Variants in FBP2 observed in about 807,000 individuals in gnomAD.
FBP2 encodes fructose-bisphosphatase 2, also known as fructose-1,6-bisphosphatase isozyme 2.
In FBP2, 27 loss-of-function variants were observed where a neutral mutation model predicts 31.6. The ratio of observed to expected loss-of-function variants is 0.85; its 90% confidence interval spans 0.63 to 1.18. The LOEUF (loss-of-function observed/expected upper bound fraction) is 1.18. Ranked by LOEUF, FBP2 falls within the 50% of genes most tolerant of loss-of-function variation. The pLI is 0.00. For synonymous variants in FBP2, 168 were observed against 179.8 expected (o/e 0.93, Z 0.53); for missense variants, 421 against 436.1 (o/e 0.97, Z 0.31).
chr9:94,571,644 C>A, intron 3 of FBP2, 42 bp from the exon 4 acceptor site: 1 of 1,551,222 alleles, frequency 6.4e-7, no homozygotes. Flanking sequence ...ATTGTTGTCT[C>A]TGGAGAGAAC....
chr9:94,558,978 T>C lies in FBP2; in HGVS notation c.980A>G (p.Glu327Gly), dbSNP rs1484066048. The C allele has an allele frequency of 2.5e-6, 4 of 1,614,090 alleles. No homozygotes were observed. The highest frequency in any genetic ancestry group is 3.4e-6 in the Non-Finnish European group (4 of 1,180,022). ...ATTTTTCTGCACACAGGTGAGATAT[T>C]CCTGCACATCCTCTGGTGACCCCAG... ...LILGSPEDVQ[E>G]YLTCVQKNQA... Residue 327 changes from glutamate (E) to glycine (G), a missense_variant, in exon 7 of 7, where the codon GAA becomes GGA. Transcript: ENST00000375337.
intron 5 of FBP2, among the ~76,000 whole-genome samples, chr9:94,563,966 CAG>C (rs555372279): frequency 5.2e-4 from 79 of 152,308 alleles, no homozygotes; most frequent in African/African-American, 1.8e-3. Flanking sequence ...GCACCTAACA[CAG>C]GGGCACCCAG....
chr9:94,558,812 C>T lies in FBP2; in HGVS notation c.*126G>A, dbSNP rs1827047556. On this transcript the variant is annotated 3_prime_UTR_variant, in exon 7 of 7. Transcript: ENST00000375337. ...CTGTCGTAAGCAGTTTGTTGTTGCT[C>T]TTCTGTATGTGATTAAGTGGATTTA... The T allele has an allele frequency of 1.1e-6, 1 of 870,202 alleles. No homozygotes were observed. Among genetic ancestry groups the T allele is most frequent in the Non-Finnish European group, 1.8e-6 (1 of 544,178 alleles). The allele number at this position is 870,202 out of a possible 1,614,324, so 53.9% of individuals were successfully genotyped here.
chr9:94,564,057 T>G (rs2131443248), intron 5 of FBP2, among the ~76,000 whole-genome samples: 1 of 152,230 alleles, frequency 6.6e-6, no homozygotes, highest in African/African-American at 2.4e-5. Context: ...CTTCAACACC[T>G]CACTGACAGT....
intron 6 of FBP2, among the ~76,000 whole-genome samples, chr9:94,560,466 G>A (rs1025210977): frequency 2.3e-4 from 35 of 152,056 alleles, no homozygotes; most frequent in Admixed American, 6.6e-4. Context: ...CGTTCTGGCC[G>A]AGGCCCTGCT....
intron 1 of FBP2, among the ~76,000 whole-genome samples, chr9:94,589,124 C>T (rs1436912526): frequency 2.0e-5 from 3 of 149,346 alleles, no homozygotes; most frequent in African/African-American, 7.8e-5. Context: ...TGAGCTTCCA[C>T]AATGGCAGGA....
chr9:94,560,655 A>C (rs967064335), intron 6 of FBP2, among the ~76,000 whole-genome samples: 18 of 150,684 alleles, frequency 1.2e-4, no homozygotes, highest in African/African-American at 4.4e-4. Context: ...TACTTTGAGA[A>C]AGAGTCATAT....
rs138584530 is a variant in FBP2, at chr9:94,565,552, A to G, written c.705+1718T>C. Among the ~76,000 whole-genome samples, 192 of 152,316 alleles carry G rather than the reference A, an allele frequency of 1.3e-3. 1 individual carries two copies. The highest frequency in any genetic ancestry group is 4.5e-3 in the African/African-American group (187 of 41,558). On this transcript the variant is annotated intron_variant, in intron 5 of 6. Transcript: ENST00000375337. ...AATCAAAACATTTAAATACAGAAAG[A>G]ATCTTTCAGCAGACACACAGTGAAC...
chr9:94,561,444 G>A (rs937729190), intron 6 of FBP2, among the ~76,000 whole-genome samples: 10 of 136,138 alleles, frequency 7.3e-5, no homozygotes, highest in Non-Finnish European at 1.2e-4. Flanking sequence ...CTCACTGCAA[G>A]CTCCGCCTCC....
intron 1 of FBP2, among the ~76,000 whole-genome samples, chr9:94,591,505 A>T (rs960829425): frequency 6.6e-6 from 1 of 152,072 alleles, no homozygotes; most frequent in South Asian, 2.1e-4. Context: ...ACGCAGCCCC[A>T]GTTCCCGCTC....
At chr9:94,578,797 T>TA (rs1827343011) in intron 3 of FBP2, among the ~76,000 whole-genome samples, 1 of 151,980 alleles carries the variant, frequency 6.6e-6, no homozygotes, top group South Asian at 2.1e-4. Flanking sequence ...CTCAGGCCTG[T>TA]AATCCCAGCA....
At chr9:94,591,344 A>G (rs1181772935) in intron 1 of FBP2, among the ~76,000 whole-genome samples, 1 of 152,234 alleles carries the variant, frequency 6.6e-6, no homozygotes, top group Non-Finnish European at 1.5e-5. Flanking sequence ...GTGGGCCAGC[A>G]CTGCTGGGGG....
intron 3 of FBP2, among the ~76,000 whole-genome samples, chr9:94,581,531 G>A (rs1827372303): frequency 6.6e-6 from 1 of 152,154 alleles, no homozygotes; most frequent in South Asian, 2.1e-4. Flanking sequence ...GGCTTCCACT[G>A]TTTTGACTCT....
chr9:94,593,449 AGGG>A, intron 1 of FBP2, 105 bp downstream of exon 1: 1 of 1,012,736 alleles, frequency 9.9e-7, no homozygotes, highest in Non-Finnish European at 1.4e-6. Context: ...TAGGGCACAC[AGGG>A]CCAATAAGCT....
chr9:94,581,921 CACGCCAGGCAAGGGTT>C (rs111386237), intron 3 of FBP2, among the ~76,000 whole-genome samples: 7,718 of 152,232 alleles, frequency 0.051, 267 homozygotes, highest in Middle Eastern at 0.096. Flanking sequence ...GACCTAAGGC[CACGCCAGGCAAGGGTT>C]AGTCACTCAC....
At chr9:94,582,865 T>G (rs933064269) in intron 3 of FBP2, among the ~76,000 whole-genome samples, 8 of 147,506 alleles carry the variant, frequency 5.4e-5, no homozygotes, top group Non-Finnish European at 1.2e-4. Context: ...TTTTTTTTTT[T>G]TTTTTTGAGA....
At chr9:94,582,547 A>ATTT (rs35999121) in intron 3 of FBP2, among the ~76,000 whole-genome samples, 10 of 132,208 alleles carry the variant, frequency 7.6e-5, no homozygotes, top group African/African-American at 1.7e-4. Flanking sequence ...CTCTTGGCTA[A>ATTT]TTTTTTTTTT....
Position 94,593,580 on chromosome 9 carries a change from C to T in FBP2, c.147G>A (p.Val49=). 1 of 1,613,954 alleles carries T rather than the reference C, an allele frequency of 6.2e-7. No individual in the cohort carries two copies. Among genetic ancestry groups the T allele is most frequent in the Non-Finnish European group, 8.5e-7 (1 of 1,179,982 alleles). The change falls in exon 1 of 7, where the codon GTG becomes GTA. Residue 49 remains valine, a synonymous_variant. Transcript: ENST00000375337. ...LTAIKAISSA[V]RKAGLAHLYG... ...ACAGGTGGGCCAGACCGGCCTTGCGCACAGCCGAGGAGATGGCTTTGATGG... is the reference window on the plus strand; with the variant it reads ...ACAGGTGGGCCAGACCGGCCTTGCGTACAGCCGAGGAGATGGCTTTGATGG...
At chr9:94,582,358 G>GCA (rs1400362554) in intron 3 of FBP2, among the ~76,000 whole-genome samples, 58 of 61,972 alleles carry the variant, frequency 9.4e-4, no homozygotes, top group African/African-American at 3.0e-3. Context: ...GTGCGTGTGT[G>GCA]TGTGTGTGTG....
Sources: gnomAD v4.1 joint callset for allele counts (sites outside exome capture counted in the v4.1 genomes callset) on GRCh38, gnomAD v4.1.1 for gene constraint, MANE v1.5 for transcripts, NCBI Gene and HGNC (gene_info 2026-07-23, HGNC 2026-07-21) for gene names.